The following MDGA2 variants were observed in gnomAD, a reference collection of about 807,000 sequenced individuals.
MDGA2 encodes MAM domain containing glycosylphosphatidylinositol anchor 2.
Under a neutral mutation model 117.8 loss-of-function variants are expected in MDGA2, and 40 were observed. The observed-to-expected ratio is 0.34, with a 90% CI of 0.26 to 0.44. MDGA2 has a LOEUF of 0.44. Ranked by LOEUF, MDGA2 falls within the 20% of genes least tolerant of loss-of-function variation. The probability of loss-of-function intolerance (pLI) is 1.00; values close to 1 mark genes in which losing one functional copy is unlikely to be tolerated. For synonymous variants in MDGA2, 452 were observed against 439.0 expected, an observed-to-expected ratio of 1.03 and a Z score of -0.37; for missense variants, 1,123 against 1,250.6, an observed-to-expected ratio of 0.90 and a Z score of 1.54.
chr14:47,592,246 A>G (rs1372360086), intron 1 of MDGA2, among the ~76,000 whole-genome samples: 1 of 152,188 alleles, frequency 6.6e-6, no homozygotes, highest in African/African-American at 2.4e-5. Flanking sequence ...CAAAGAGCAC[A>G]CAAACAAATG....
At chr14:46,996,565 G>C (rs1285433004) in intron 8 of MDGA2, 3 of 152,376 alleles carry the variant, frequency 2.0e-5, no homozygotes, top group Non-Finnish European at 4.4e-5. Flanking sequence ...TGCCATTCTT[G>C]TTGGTGAAAT....
chr14:47,103,066 A>C lies in MDGA2; in HGVS notation c.926-5943T>G, dbSNP rs1880434651. On this transcript the variant is annotated intron_variant, in intron 5 of 16. Coordinates refer to ENST00000399232, the MANE Select transcript of MDGA2 (RefSeq NM_001113498.3). ...TATGGGTGAAAAATGAAATAATGAG[A>C]GCACAGTATGAATTTAAGAGAGACG... Among the ~76,000 whole-genome samples, 3 of 152,164 alleles carry C rather than the reference A, an allele frequency of 2.0e-5. No homozygotes were observed. The South Asian group carries it at 6.2e-4, about 32-fold the overall frequency.
chr14:47,590,238 A>G (rs1896410961), intron 1 of MDGA2, among the ~76,000 whole-genome samples: 1 of 151,958 alleles, frequency 6.6e-6, no homozygotes, highest in Non-Finnish European at 1.5e-5. Context: ...TGTTAACCAG[A>G]AGTAGTAGGA....
intron 1 of MDGA2, among the ~76,000 whole-genome samples, chr14:47,518,714 A>G (rs1205260451): frequency 6.6e-6 from 1 of 152,230 alleles, no homozygotes; most frequent in Non-Finnish European, 1.5e-5. Flanking sequence ...GGAATCTGAC[A>G]ATAAAGCTAC....
chr14:47,035,901 T>C (rs527425380), intron 7 of MDGA2, among the ~76,000 whole-genome samples: 1 of 152,182 alleles, frequency 6.6e-6, no homozygotes, highest in Non-Finnish European at 1.5e-5. Flanking sequence ...TGTAAATAGT[T>C]TGCCATAATA....
At chr14:46,910,828 A>G (rs1883670346) in intron 10 of MDGA2, among the ~76,000 whole-genome samples, 1 of 152,188 alleles carries the variant, frequency 6.6e-6, no homozygotes, top group African/African-American at 2.4e-5. Context: ...AACGAATGCA[A>G]TTATATCCTT....
chr14:46,888,976 A>G (rs1359253381), intron 10 of MDGA2, among the ~76,000 whole-genome samples: 2 of 152,030 alleles, frequency 1.3e-5, no homozygotes, highest in Non-Finnish European at 2.9e-5. Context: ...TACAGACCCT[A>G]AATCACTCAC....
chr14:46,907,491 AC>A (rs1883544403), intron 10 of MDGA2, among the ~76,000 whole-genome samples: 2 of 152,200 alleles, frequency 1.3e-5, no homozygotes, highest in South Asian at 4.1e-4. Context: ...CTCATAATAT[AC>A]CACTGTAAAT....
intron 1 of MDGA2, among the ~76,000 whole-genome samples, chr14:47,626,181 T>C (rs899139047): frequency 6.6e-6 from 1 of 152,256 alleles, no homozygotes; most frequent in Non-Finnish European, 1.5e-5. Flanking sequence ...GAATCCATTT[T>C]CTACATGGCA....
chr14:47,362,075 A>G (rs1891138291), intron 1 of MDGA2, among the ~76,000 whole-genome samples: 1 of 152,168 alleles, frequency 6.6e-6, no homozygotes, highest in Non-Finnish European at 1.5e-5. Context: ...TCACTCTTCC[A>G]TTTGATTTAG....
chr14:47,452,977 G>C (rs1245056502), intron 1 of MDGA2, among the ~76,000 whole-genome samples: 1 of 151,920 alleles, frequency 6.6e-6, no homozygotes, highest in Non-Finnish European at 1.5e-5. Context: ...TTATATTGCT[G>C]GGAAATATAT....
chr14:47,283,223 A>G (rs1453037256), intron 2 of MDGA2, among the ~76,000 whole-genome samples: 2 of 152,186 alleles, frequency 1.3e-5, no homozygotes, highest in African/African-American at 2.4e-5. Context: ...GGAAAGGGCA[A>G]TAAGTTGGTA....
chr14:46,845,965 G>T (rs2138272302), intron 15 of MDGA2, 94 bp from the exon 16 acceptor site: 1 of 855,536 alleles, frequency 1.2e-6, no homozygotes, highest in South Asian at 1.5e-5. Context: ...AAACTTGTCA[G>T]TAATCCTGGC....
At chr14:46,989,834 A>C (rs965517776) in intron 8 of MDGA2, among the ~76,000 whole-genome samples, 11 of 152,152 alleles carry the variant, frequency 7.2e-5, no homozygotes, top group Non-Finnish European at 1.5e-4. Context: ...AAGAATTCTC[A>C]GAATTTGAAA....
chr14:46,971,143 A>AAATC (rs1886245905), intron 8 of MDGA2, among the ~76,000 whole-genome samples: 1 of 152,130 alleles, frequency 6.6e-6, no homozygotes, highest in African/African-American at 2.4e-5. Flanking sequence ...CCCACTACAG[A>AAATC]AATCATTATG....
intron 6 of MDGA2, among the ~76,000 whole-genome samples, chr14:47,065,123 T>G (rs1230689596): frequency 6.6e-6 from 1 of 152,142 alleles, no homozygotes; most frequent in Non-Finnish European, 1.5e-5. Context: ...AGTCTGGCAG[T>G]GCATGTAAAA....
At chr14:47,139,460 A>C (rs1882608182) in intron 4 of MDGA2, among the ~76,000 whole-genome samples, 1 of 151,928 alleles carries the variant, frequency 6.6e-6, no homozygotes, top group African/African-American at 2.4e-5. Context: ...TATATCAACA[A>C]ACATTAGAGG....
intron 2 of MDGA2, among the ~76,000 whole-genome samples, chr14:47,222,387 G>T (rs1594735260): frequency 6.6e-6 from 1 of 152,064 alleles, no homozygotes; most frequent in Admixed American, 6.5e-5. Flanking sequence ...AAAGTCAAAA[G>T]CATAAATATA....
At chr14:47,612,256 ATC>A (rs1896864581) in intron 1 of MDGA2, among the ~76,000 whole-genome samples, 2 of 151,486 alleles carry the variant, frequency 1.3e-5, no homozygotes, top group Non-Finnish European at 2.9e-5. Flanking sequence ...AGATAGATAG[ATC>A]TTCTGTGTTT....
Sources: gnomAD v4.1 joint callset for allele counts (sites outside exome capture counted in the v4.1 genomes callset) on GRCh38, gnomAD v4.1.1 for gene constraint, MANE v1.5 for transcripts, NCBI Gene and HGNC (gene_info 2026-07-23, HGNC 2026-07-21) for gene names.